ZMYND8: variants seen among roughly 807,000 people sequenced by gnomAD.
The protein encoded by ZMYND8 is MYND-type zinc finger-containing chromatin reader ZMYND8.
ZMYND8 carries 37 observed loss-of-function variants against 140.8 expected under a neutral mutation model. The observed-to-expected ratio is 0.26, with a 90% CI of 0.20 to 0.35. The LOEUF (loss-of-function observed/expected upper bound fraction) is 0.35. Among genes scored for constraint, ZMYND8 ranks in the 10% least tolerant of loss-of-function variants. The pLI is 1.00. For synonymous variants in ZMYND8, 592 were observed against 597.1 expected, an observed-to-expected ratio of 0.99 and a Z score of 0.12; for missense variants, 1,068 against 1,570.0, an observed-to-expected ratio of 0.68 and a Z score of 5.40.
At chr20:47,216,327 CTA>C (rs1007460542) in intron 21 of ZMYND8, among the ~76,000 whole-genome samples, 4 of 151,656 alleles carry the variant, frequency 2.6e-5, no homozygotes, top group Admixed American at 2.6e-4. Flanking sequence ...AACCTTGTCT[CTA>C]TTAAAAATAC....
At chr20:47,334,673 G>A (rs528701037) in intron 2 of ZMYND8, among the ~76,000 whole-genome samples, 55 of 151,124 alleles carry the variant, frequency 3.6e-4, no homozygotes, top group African/African-American at 1.1e-3. Flanking sequence ...ACAGTGGCAC[G>A]ATCTTGGCTC....
chr20:47,211,106 G>A (rs940291637), intron 22 of ZMYND8, among the ~76,000 whole-genome samples: 4 of 152,024 alleles, frequency 2.6e-5, no homozygotes, highest in African/African-American at 7.2e-5. Context: ...AACGACAACC[G>A]GTTGAAAAAA....
chr20:47,299,090 T>C, intron 3 of ZMYND8, 143 bp from the exon 4 acceptor site: 1 of 739,338 alleles, frequency 1.4e-6, no homozygotes, highest in Non-Finnish European at 2.2e-6. Flanking sequence ...CTTAGGTTAC[T>C]CTACTAAATA....
At chr20:47,217,722 A>G (rs974309689) in intron 21 of ZMYND8, among the ~76,000 whole-genome samples, 2 of 152,160 alleles carry the variant, frequency 1.3e-5, no homozygotes, top group African/African-American at 4.8e-5. Flanking sequence ...AATACTAACT[A>G]TGCTCTTACA....
intron 21 of ZMYND8, among the ~76,000 whole-genome samples, chr20:47,217,480 G>T (rs2036293777): frequency 6.6e-6 from 1 of 152,142 alleles, no homozygotes; most frequent in Non-Finnish European, 1.5e-5. Context: ...TGAAGAGGGA[G>T]TTGCTTTCTC....
chr20:47,338,061 C>A (rs1036929704), intron 2 of ZMYND8, among the ~76,000 whole-genome samples: 2 of 151,988 alleles, frequency 1.3e-5, no homozygotes, highest in Admixed American at 1.3e-4. Flanking sequence ...TTTCTAAGTG[C>A]AAGTAGAGAA....
chr20:47,329,950 T>A (rs1027708042), intron 2 of ZMYND8, among the ~76,000 whole-genome samples: 1 of 152,180 alleles, frequency 6.6e-6, no homozygotes, highest in African/African-American at 2.4e-5. Context: ...GTTAACTCTT[T>A]AGTATGCATA....
chr20:47,355,943 G>A (rs2083198675), intron 1 of ZMYND8, among the ~76,000 whole-genome samples: 1 of 151,752 alleles, frequency 6.6e-6, no homozygotes, highest in Admixed American at 6.6e-5. Flanking sequence ...ACACTCTGTA[G>A]CAACCTAAGT....
At chr20:47,334,407 C>T (rs771575246) in intron 2 of ZMYND8, among the ~76,000 whole-genome samples, 1 of 152,006 alleles carries the variant, frequency 6.6e-6, no homozygotes, top group Non-Finnish European at 1.5e-5. Context: ...CAAAAGGTCA[C>T]ATACTGTATG....
intron 2 of ZMYND8, among the ~76,000 whole-genome samples, chr20:47,333,788 G>C (rs2148473104): frequency 7.7e-6 from 1 of 129,270 alleles, no homozygotes; most frequent in African/African-American, 2.9e-5. Flanking sequence ...CTCACCTCTA[G>C]TCCCAGCTAC....
chr20:47,328,209 G>A (rs1460910301), intron 2 of ZMYND8, among the ~76,000 whole-genome samples: 1 of 152,148 alleles, frequency 6.6e-6, no homozygotes, highest in Non-Finnish European at 1.5e-5. Context: ...TCAGAGACAA[G>A]GGATGTTTTG....
At chr20:47,320,787 G>A (rs2079878388) in intron 2 of ZMYND8, 1 of 152,206 alleles carries the variant, frequency 6.6e-6, no homozygotes, top group African/African-American at 2.4e-5. Context: ...CTAAGAACAT[G>A]TCCTATTGTC....
intron 16 of ZMYND8, 58 bp from the exon 17 acceptor site, chr20:47,229,864 G>T: frequency 2.1e-6 from 3 of 1,454,752 alleles, no homozygotes; most frequent in South Asian, 2.3e-5. Context: ...TTTTCCTGGT[G>T]ACAAATACTT....
chr20:47,241,092 G>A lies in ZMYND8; in HGVS notation c.2285-1954C>T, dbSNP rs557100078. 2.5e-3 allele frequency among the ~76,000 whole-genome samples: 375 copies of A among 151,806 alleles called. 2 individuals are homozygous for A. The highest frequency in any genetic ancestry group is 3.4e-3 in the African/African-American group (143 of 41,472). On this transcript the variant is annotated intron_variant, in intron 14 of 22. Coordinates refer to ENST00000471951, the MANE Select transcript of ZMYND8 (RefSeq NM_001281775.3). ...GGGCAGATCACGAAGTCAGGAGTTC[G>A]AAACCAGTCTGGCCAACATGGTGAA... is the stretch of plus-strand genomic sequence containing the variant.
chr20:47,331,660 A>G (rs1336598559), intron 2 of ZMYND8, among the ~76,000 whole-genome samples: 2 of 152,040 alleles, frequency 1.3e-5, no homozygotes, highest in Non-Finnish European at 2.9e-5. Flanking sequence ...AGAGGAGGAG[A>G]AGGTGCCAGG....
intron 5 of ZMYND8, 111 bp downstream of exon 5, chr20:47,294,555 C>T: frequency 2.1e-6 from 2 of 937,078 alleles, no homozygotes; most frequent in South Asian, 3.0e-5. Context: ...TTTGGGGATG[C>T]AAGGAGGCCC....
At chr20:47,268,454 G>A (rs149142581) in intron 11 of ZMYND8, among the ~76,000 whole-genome samples, 4,022 of 151,234 alleles carry the variant, frequency 0.027, 183 homozygotes, top group African/African-American at 0.091. Context: ...CCACCATGCC[G>A]GGCTAATTTT....
chr20:47,334,605 A>AT lies in ZMYND8; in HGVS notation c.85+13250_85+13251insA, dbSNP rs1556420980. 4.2e-3 allele frequency among the ~76,000 whole-genome samples: 600 copies of AT among 141,696 alleles called. 4 individuals carry two copies. The highest frequency in any genetic ancestry group is 0.026 in the East Asian group (124 of 4,810). The allele number at this position is 141,696 out of a possible 152,430, so 93.0% of individuals were successfully genotyped here. A position where few individuals can be genotyped will look rare whatever the true frequency, so the allele number is the denominator to read the frequency against. On this transcript the variant is annotated intron_variant, in intron 2 of 22. Transcript: ENST00000471951. ...GCTGCACAACTCTGTGAAAAAAAAA[A>AT]ATATATATATATATATATATATTTT...
chr20:47,336,590 G>A (rs916778161), intron 2 of ZMYND8, among the ~76,000 whole-genome samples: 1 of 152,184 alleles, frequency 6.6e-6, no homozygotes, highest in Non-Finnish European at 1.5e-5. Context: ...CCTTCAAGGC[G>A]CTTGTTCTGA....
Sources: allele counts gnomAD v4.1 joint callset (sites outside exome capture counted in the v4.1 genomes callset), GRCh38; gene constraint gnomAD v4.1.1; transcripts MANE v1.5; gene names NCBI Gene and HGNC (gene_info 2026-07-23, HGNC 2026-07-21).